The following PDE2A variants were observed in gnomAD, a reference collection of about 807,000 sequenced individuals.
PDE2A encodes phosphodiesterase 2A.
PDE2A carries 53 observed loss-of-function variants against 133.6 expected under a neutral mutation model. The observed-to-expected ratio is 0.40, with a 90% CI of 0.32 to 0.50. The LOEUF (loss-of-function observed/expected upper bound fraction) is 0.50, where lower values mean the gene tolerates loss of function less well. PDE2A is among the 20% of genes least tolerant of loss of function. The pLI is 0.73. For synonymous variants in PDE2A, 491 were observed against 490.2 expected (o/e 1.00, Z -0.02); for missense variants, 796 against 1,232.4 (o/e 0.65, Z 5.30).
intron 26 of PDE2A, 31 bp from the exon 27 acceptor site, chr11:72,579,414 C>G (rs766927031): frequency 1.1e-5 from 17 of 1,570,656 alleles, no homozygotes; most frequent in Non-Finnish European, 1.5e-5. Flanking sequence ...TCATGCCCTC[C>G]TACTGGACAC....
intron 4 of PDE2A, among the ~76,000 whole-genome samples, chr11:72,604,134 C>T (rs1426440688): frequency 6.6e-6 from 1 of 152,248 alleles, no homozygotes; most frequent in African/African-American, 2.4e-5. Flanking sequence ...CTGCCCAGTG[C>T]TCCCTGGGCC....
In PDE2A at chr11:72,674,355, A is replaced by G. The variant is rs1855454902; in HGVS notation, c.-148T>C. 4.5e-6 allele frequency: 3 copies of G among 660,520 alleles called. No homozygotes were observed. Among genetic ancestry groups the G allele is most frequent in the South Asian group, 4.0e-5 (2 of 50,254 alleles). The allele number at this position is 660,520 out of a possible 1,614,324, so 40.9% of individuals were successfully genotyped here. On this transcript the variant is annotated 5_prime_UTR_variant, in exon 1 of 31. Transcript: ENST00000334456. ...TACTCAGCCTGGACTCAACACCCCA[A>G]TCCAGCTCTGCTGCCCCGCTGCTCC...
At chr11:72,603,090 T>C (rs558226695) in intron 4 of PDE2A, among the ~76,000 whole-genome samples, 1 of 152,258 alleles carries the variant, frequency 6.6e-6, no homozygotes, top group East Asian at 1.9e-4. Context: ...ATGGAAAGAA[T>C]TCCTGTTTGG....
intron 1 of PDE2A, among the ~76,000 whole-genome samples, chr11:72,663,430 G>C (rs899992311): frequency 6.6e-6 from 1 of 152,202 alleles, no homozygotes; most frequent in Non-Finnish European, 1.5e-5. Flanking sequence ...CAGTGAATGT[G>C]ACAAAGTGAG....
At chr11:72,610,207 T>A (rs1268448314) in intron 2 of PDE2A, among the ~76,000 whole-genome samples, 1 of 152,124 alleles carries the variant, frequency 6.6e-6, no homozygotes, top group African/African-American at 2.4e-5. Flanking sequence ...AGATGGGGGA[T>A]CTGAACTCTG....
At chr11:72,616,074 C>G (rs77090500) in intron 2 of PDE2A, among the ~76,000 whole-genome samples, 2,507 of 152,234 alleles carry the variant, frequency 0.016, 59 homozygotes, top group African/African-American at 0.057. Context: ...CCAGGAGCCT[C>G]CAAGAGGCAG....
At chr11:72,637,171 C>A (rs1055685250) in intron 2 of PDE2A, among the ~76,000 whole-genome samples, 1 of 152,230 alleles carries the variant, frequency 6.6e-6, no homozygotes, top group Non-Finnish European at 1.5e-5. Context: ...ACATGCCCCT[C>A]CCTCCCACTC....
At chr11:72,598,796 A>G (rs1856601445) in intron 4 of PDE2A, 1 of 985,254 alleles carries the variant, frequency 1.0e-6, no homozygotes, top group Non-Finnish European at 1.2e-6. Flanking sequence ...TTCTGAACCA[A>G]ACCCATTCCT....
Position 72,577,285 on chromosome 11 carries a change from C to A in PDE2A, c.*99G>T, listed in dbSNP as rs943481569. 3.5e-6 allele frequency: 3 copies of A among 858,508 alleles called. No individual in the cohort carries two copies. The African/African-American group carries it at 5.0e-5, about 14-fold the overall frequency. 53.2% of individuals were successfully genotyped at this position (858,508 alleles called of 1,614,324 possible). ...CCAGGGTCACACAGGAAGTCCTGGT[C>A]TAGGACCCAGGACCCGTGGCTCTGT... On this transcript the variant is annotated 3_prime_UTR_variant, in exon 31 of 31. Coordinates refer to ENST00000334456, the MANE Select transcript of PDE2A (RefSeq NM_002599.5).
At chr11:72,611,993 C>T (rs1315360635) in intron 2 of PDE2A, among the ~76,000 whole-genome samples, 2 of 152,072 alleles carry the variant, frequency 1.3e-5, no homozygotes, top group Non-Finnish European at 2.9e-5. Flanking sequence ...GGAGCAGCTG[C>T]TAATGGGAAG....
intron 2 of PDE2A, among the ~76,000 whole-genome samples, chr11:72,639,545 GC>G (rs1294754753): frequency 6.6e-6 from 1 of 151,964 alleles, no homozygotes; most frequent in African/African-American, 2.4e-5. Flanking sequence ...CACTGCCTGC[GC>G]CGTATGCCTC....
At chr11:72,582,000 C>T (rs1855744706) in intron 21 of PDE2A, 53 bp from the exon 22 acceptor site, 1 of 1,391,862 alleles carries the variant, frequency 7.2e-7, no homozygotes, top group African/African-American at 1.4e-5. Flanking sequence ...AAGACGGGGC[C>T]CTTGCCTGGG....
intron 2 of PDE2A, among the ~76,000 whole-genome samples, chr11:72,620,274 C>G (rs1199314056): frequency 6.6e-6 from 1 of 152,154 alleles, no homozygotes; most frequent in Non-Finnish European, 1.5e-5. Flanking sequence ...CCTCACTTCC[C>G]TGGGGCCCTG....
Position 72,578,796 on chromosome 11 carries a change from G to T in PDE2A, c.2469+101C>A. ...TAGGTTTCTGTCTCCCCAGAACACA[G>T]CCAGGCTGAGCTGAGCAGAGAGAGG... On this transcript the variant is annotated intron_variant, in intron 28 of 30. Coordinates refer to ENST00000334456, the MANE Select transcript of PDE2A (RefSeq NM_002599.5). The surrounding 1 kb of genome is among the most constrained non-coding windows in gnomAD (Gnocchi z 4.2). The T allele has an allele frequency of 1.3e-6, 1 of 755,494 alleles. No homozygotes were observed. The highest frequency in any genetic ancestry group is 2.3e-6 in the Non-Finnish European group (1 of 428,020). The allele number at this position is 755,494 out of a possible 1,614,324, so 46.8% of individuals were successfully genotyped here.
chr11:72,595,920 T>C (rs1156238000), intron 6 of PDE2A, among the ~76,000 whole-genome samples: 1 of 152,098 alleles, frequency 6.6e-6, no homozygotes, highest in African/African-American at 2.4e-5. Flanking sequence ...GGGAGGCTTG[T>C]CTGGGTTCTG....
intron 4 of PDE2A, chr11:72,598,422 A>T: frequency 1.0e-6 from 1 of 995,190 alleles, no homozygotes; most frequent in Non-Finnish European, 1.4e-6. Context: ...GGAGGTTGGT[A>T]TGGGAAGAAT....
chr11:72,644,397 G>C (rs1859071495), intron 1 of PDE2A, among the ~76,000 whole-genome samples: 2 of 152,172 alleles, frequency 1.3e-5, no homozygotes, highest in African/African-American at 4.8e-5. Flanking sequence ...TCCTATTTTT[G>C]GCCTCAGTTT....
At position 72,577,436 on chromosome 11, in the gene PDE2A, A is replaced by G; in HGVS notation, c.2774T>C (p.Leu925Pro). The G allele has an allele frequency of 2.5e-6, 4 of 1,614,032 alleles. No homozygotes were observed. The highest frequency in any genetic ancestry group is 3.4e-6 in the Non-Finnish European group (4 of 1,179,984). ...ATTGATGGGGGCCCTAGTGCCATCC[A>G]GATCAGGCACCTCGTACTCCTCATC... The part of the protein sequence containing the change: ...FLDEEYEVPD[L>P]DGTRAPINGC... Residue 925 changes from leucine (L) to proline (P), a missense_variant, in exon 31 of 31, where the codon CTG becomes CCG. Transcript: ENST00000334456.
At chr11:72,582,353 G>T in intron 21 of PDE2A, 91 bp downstream of exon 21, 1 of 1,290,768 alleles carries the variant, frequency 7.7e-7, no homozygotes, top group Non-Finnish European at 1.1e-6. Context: ...TGATGACTCT[G>T]TCTTCCCAGG....
Sources: gnomAD v4.1 joint callset for allele counts (sites outside exome capture counted in the v4.1 genomes callset) on GRCh38, gnomAD v4.1.1 for gene constraint, Gnocchi (gnomAD v3.1) non-coding constraint, MANE v1.5 for transcripts, NCBI Gene and HGNC (gene_info 2026-07-23, HGNC 2026-07-21) for gene names.